The following WAPL variants were observed in gnomAD, a reference collection of about 807,000 sequenced individuals.
The protein encoded by WAPL is WAPL cohesin release factor.
In WAPL, 5 loss-of-function variants were observed where a neutral mutation model predicts 121.0. That is an observed-to-expected ratio of 0.04 (90% CI 0.02 to 0.09). WAPL has a LOEUF of 0.09. Among genes scored for constraint, WAPL ranks in the 10% least tolerant of loss-of-function variants. The pLI is 1.00. For missense variants in WAPL, 999 were observed against 1,410.8 expected, an observed-to-expected ratio of 0.71 and a Z score of 4.68; for synonymous variants, 480 against 481.5, an observed-to-expected ratio of 1.00 and a Z score of 0.04.
intron 9 of WAPL, among the ~76,000 whole-genome samples, chr10:86,463,851 G>T (rs1841340708): frequency 6.6e-6 from 1 of 152,022 alleles, no homozygotes; most frequent in African/African-American, 2.4e-5. Flanking sequence ...TACCACCATT[G>T]TGTTCCAACT....
Position 86,500,069 on chromosome 10 carries a change from A to C in WAPL, c.1174T>G (p.Leu392Val). The C allele has an allele frequency of 6.2e-7, 1 of 1,614,192 alleles. No individual in the cohort carries two copies. The highest frequency in any genetic ancestry group is 1.1e-5 in the South Asian group (1 of 91,078). ...TTTCTGAGACGACCAGCTTCTCCCA[A>C]ATCTGCAGGAGTGGATGCAGTGAAC... ...DEFTASTPAD[L>V]GEAGRLRKKA... is the part of the protein sequence containing the mutation. Residue 392 changes from leucine (L) to valine (V), a missense_variant, in exon 3 of 19, where the codon TTG becomes GTG. Leu to Val is a conservative substitution (Grantham distance 32, BLOSUM62 1). This residue lies in a region of WAPL where 531 missense variants were observed against 563.1 expected (regional missense o/e 0.94). Transcript: ENST00000298767.
At chr10:86,501,171 G>A (rs770717800) in intron 2 of WAPL, among the ~76,000 whole-genome samples, 46 of 152,162 alleles carry the variant, frequency 3.0e-4, no homozygotes, top group Admixed American at 2.2e-3. Context: ...TATTTATCTG[G>A]GATAGGGCTG....
intron 9 of WAPL, among the ~76,000 whole-genome samples, chr10:86,462,532 C>T (rs1010134242): frequency 6.6e-6 from 1 of 151,874 alleles, no homozygotes; most frequent in African/African-American, 2.4e-5. Context: ...CCAGTCTGGC[C>T]AACATGGTAA....
intron 2 of WAPL, among the ~76,000 whole-genome samples, chr10:86,514,020 G>C (rs1470488811): frequency 6.6e-6 from 1 of 152,174 alleles, no homozygotes; most frequent in Non-Finnish European, 1.5e-5. Context: ...ATTCTCAGAA[G>C]GGTCCCTAAA....
intron 9 of WAPL, among the ~76,000 whole-genome samples, chr10:86,462,343 A>G (rs1841297999): frequency 6.6e-6 from 1 of 152,204 alleles, no homozygotes; most frequent in Non-Finnish European, 1.5e-5. Context: ...AGAAATACAA[A>G]TAACAGATAT....
In WAPL at chr10:86,473,044, T is replaced by C. The variant is rs189681478; in HGVS notation, c.1741-280A>G. On this transcript the variant is annotated intron_variant, in intron 5 of 18. Coordinates refer to ENST00000298767, the MANE Select transcript of WAPL (RefSeq NM_015045.5). ...ATTTGTCGTTTGTCTCTAGTACCAT[T>C]AGAAAGACTAAAGAACCACAACTGC... 3.9e-5 allele frequency among the ~76,000 whole-genome samples: 6 copies of C among 152,256 alleles called. No individual in the cohort carries two copies. The East Asian group carries it at 5.8e-4, about 15-fold the overall frequency.
rs574251034 is a variant in WAPL, at chr10:86,504,037, G to GGGGGCACATGCCAGTCGTC, written c.500-3295_500-3294insGACGACTGGCATGTGCCCC. Among the ~76,000 whole-genome samples the GGGGGCACATGCCAGTCGTC allele has an allele frequency of 1.6e-3, 242 of 152,196 alleles. 1 individual carries two copies. Among genetic ancestry groups the GGGGGCACATGCCAGTCGTC allele is most frequent in the African/African-American group, 5.4e-3 (225 of 41,542 alleles). On this transcript the variant is annotated intron_variant, in intron 2 of 18. Coordinates refer to ENST00000298767, the MANE Select transcript of WAPL (RefSeq NM_015045.5). The stretch of plus-strand genomic sequence containing the variant: ...AGACAAAAAAAACCCAGCCAGGCGT[G>GGGGGCACATGCCAGTCGTC]GTGGCACATGCCAGTCGTCCTCGCT...
At chr10:86,482,725 A>T (rs1589520885) in intron 4 of WAPL, among the ~76,000 whole-genome samples, 1 of 152,362 alleles carries the variant, frequency 6.6e-6, no homozygotes, top group African/African-American at 2.4e-5. Context: ...ATAATTAAAT[A>T]CAGTAATAGA....
chr10:86,472,467 AGAACAAGGAT>A lies in WAPL; in HGVS notation c.1894-133_1894-124del. On this transcript the variant is annotated intron_variant, in intron 6 of 18. Transcript: ENST00000298767. This position sits in a 1 kb window ranked among gnomAD's most constrained non-coding sequence, Gnocchi z 4.2. ...ATTAGATGGCAACAAAAATATTTTTAGAACAAGGATGATGGTAGGACAAAAGAAGTTTGTG... is the reference window on the plus strand; with the variant it reads ...ATTAGATGGCAACAAAAATATTTTTAGATGGTAGGACAAAAGAAGTTTGTG... The A allele has an allele frequency of 6.7e-7, 1 of 1,501,172 alleles. No homozygotes were observed. Among genetic ancestry groups the A allele is most frequent in the Non-Finnish European group, 8.9e-7 (1 of 1,120,162 alleles). The allele number at this position is 1,501,172 out of a possible 1,614,324, so 93.0% of individuals were successfully genotyped here. A position where few individuals can be genotyped will look rare whatever the true frequency, so the allele number is the denominator to read the frequency against.
At chr10:86,458,537 TTAAC>T (rs1841202316) in intron 12 of WAPL, among the ~76,000 whole-genome samples, 2 of 152,234 alleles carry the variant, frequency 1.3e-5, no homozygotes, top group Admixed American at 6.5e-5. Flanking sequence ...GCTTTGCACA[TTAAC>T]TAATTTAACT....
intron 12 of WAPL, among the ~76,000 whole-genome samples, chr10:86,457,707 C>A (rs1589502457): frequency 6.6e-6 from 1 of 151,382 alleles, no homozygotes; most frequent in Non-Finnish European, 1.5e-5. Context: ...AAATCCAAGA[C>A]AAAAAAAGGA....
chr10:86,505,300 C>CTT (rs531404303), intron 2 of WAPL, among the ~76,000 whole-genome samples: 1,061 of 44,552 alleles, frequency 0.024, 33 homozygotes, highest in African/African-American at 0.046. Flanking sequence ...GTGCCCAACT[C>CTT]TTTTTTTTTT....
intron 4 of WAPL, among the ~76,000 whole-genome samples, 164 bp downstream of exon 4, chr10:86,497,035 ATT>A (rs1487034265): frequency 6.6e-6 from 1 of 152,174 alleles, no homozygotes; most frequent in Non-Finnish European, 1.5e-5. Flanking sequence ...AAATATGTAT[ATT>A]TTACAATTTT....
At chr10:86,439,774 T>C (rs910074791) in intron 17 of WAPL, among the ~76,000 whole-genome samples, 2 of 152,126 alleles carry the variant, frequency 1.3e-5, no homozygotes, top group Non-Finnish European at 2.9e-5. Flanking sequence ...CCAGTGGCAA[T>C]GTGCAATGTC....
In WAPL at chr10:86,518,116, A is replaced by G. The variant is rs949966153; in HGVS notation, c.-22-25T>C. 1.9e-6 allele frequency: 3 copies of G among 1,585,986 alleles called. No individual in the cohort carries two copies. In the African/African-American group the frequency reaches 4.1e-5, roughly 22 times the overall value. The stretch of plus-strand genomic sequence containing the variant: ...TCTGTGAAAAAAAATTTAAGAAAAC[A>G]TATAATCATCAAATACAAGTGTTAA... On this transcript the variant is annotated intron_variant, in intron 1 of 18. Transcript: ENST00000298767.
At position 86,451,945 on chromosome 10, in the gene WAPL, T is replaced by C. The variant is rs372192562; in HGVS notation, c.3114+22A>G. On this transcript the variant is annotated intron_variant, in intron 15 of 18. Coordinates refer to ENST00000298767, the MANE Select transcript of WAPL (RefSeq NM_015045.5). ...ATCCAACAAACTGCAGTTATGAGTTTGTTTTTAAAGTGGTTGCTTACCTGC... is the reference window on the plus strand; with the variant it reads ...ATCCAACAAACTGCAGTTATGAGTTCGTTTTTAAAGTGGTTGCTTACCTGC... 20 of 1,608,888 alleles carry C rather than the reference T, an allele frequency of 1.2e-5. No individual in the cohort carries two copies. In the South Asian group the frequency reaches 1.3e-4, roughly 11 times the overall value.
At chr10:86,437,798 G>T in intron 18 of WAPL, 122 bp downstream of exon 18, 1 of 976,642 alleles carries the variant, frequency 1.0e-6, no homozygotes, top group Non-Finnish European at 1.5e-6. Context: ...AATAGAACAC[G>T]ATTATTAAAA....
chr10:86,464,361 A>T (rs573896139), intron 9 of WAPL, among the ~76,000 whole-genome samples: 1 of 152,232 alleles, frequency 6.6e-6, no homozygotes, highest in African/African-American at 2.4e-5. Flanking sequence ...GACAAATTCA[A>T]TTATCAAGTT....
In WAPL at chr10:86,506,865, C is replaced by G. The variant is rs533004400; in HGVS notation, c.500-6122G>C. On this transcript the variant is annotated intron_variant, in intron 2 of 18. Transcript: ENST00000298767. Reference sequence around the variant, plus strand: ...GCCCTACACTGGACTAAGGGTGCCTCTTTTCCTGCAGCCCTCCCTACTATT... The same window carrying G: ...GCCCTACACTGGACTAAGGGTGCCTGTTTTCCTGCAGCCCTCCCTACTATT... Among the ~76,000 whole-genome samples, 7 of 152,140 alleles carry G rather than the reference C, an allele frequency of 4.6e-5. 1 individual carries two copies. The highest frequency in any genetic ancestry group is 1.4e-4 in the African/African-American group (6 of 41,488).
Sources: allele counts gnomAD v4.1 joint callset (sites outside exome capture counted in the v4.1 genomes callset), GRCh38; gene constraint gnomAD v4.1.1; regional missense constraint gnomAD v4.1.1; non-coding constraint Gnocchi (gnomAD v3.1); transcripts MANE v1.5; gene names NCBI Gene and HGNC (gene_info 2026-07-23, HGNC 2026-07-21).